Variants in DGKH observed in about 807,000 individuals in gnomAD.
The protein encoded by DGKH is diacylglycerol kinase eta, also known as DAG kinase eta.
DGKH carries 90 observed loss-of-function variants against 159.3 expected under a neutral mutation model. The observed-to-expected ratio is 0.57, with a 90% CI of 0.48 to 0.67. The LOEUF is 0.67. DGKH is among the 30% of genes least tolerant of loss of function. The pLI is 0.00. For synonymous variants in DGKH, 536 were observed against 553.8 expected, an observed-to-expected ratio of 0.97 and a Z score of 0.45; for missense variants, 1,181 against 1,506.1, an observed-to-expected ratio of 0.78 and a Z score of 3.57.
intron 1 of DGKH, among the ~76,000 whole-genome samples, chr13:42,096,452 G>A (rs1954537736): frequency 6.6e-6 from 1 of 152,046 alleles, no homozygotes; most frequent in African/African-American, 2.4e-5. Flanking sequence ...AGTATTCCGT[G>A]GTGTATATGT....
intron 1 of DGKH, among the ~76,000 whole-genome samples, chr13:42,110,156 C>T (rs1594040347): frequency 6.6e-6 from 1 of 152,250 alleles, no homozygotes; most frequent in Non-Finnish European, 1.5e-5. Flanking sequence ...TGCTGAGTAG[C>T]TCTTTCTGAG....
intron 5 of DGKH, among the ~76,000 whole-genome samples, chr13:42,158,526 C>CT (rs1225134507): frequency 6.6e-6 from 1 of 152,072 alleles, no homozygotes; most frequent in African/African-American, 2.4e-5. Context: ...ATATGTGCTG[C>CT]TTTTTTTCCC....
chr13:42,162,254 T>C (rs1265836356), intron 7 of DGKH, among the ~76,000 whole-genome samples: 1 of 152,236 alleles, frequency 6.6e-6, no homozygotes, highest in Non-Finnish European at 1.5e-5. Context: ...CTCATGCCTG[T>C]AATCCCAGCA....
chr13:42,204,231 A>G (rs1472947011), intron 20 of DGKH, among the ~76,000 whole-genome samples: 2 of 152,176 alleles, frequency 1.3e-5, no homozygotes, highest in East Asian at 3.8e-4. Context: ...AGCTTTTTCT[A>G]AAGCACATAA....
intron 1 of DGKH, among the ~76,000 whole-genome samples, chr13:42,105,756 A>C (rs1954738932): frequency 6.6e-6 from 1 of 152,222 alleles, no homozygotes; most frequent in Non-Finnish European, 1.5e-5. Flanking sequence ...TAGGTAAATG[A>C]AATTAGGTGT....
Position 42,189,094 on chromosome 13 carries a change from A to G in DGKH, c.1697A>G (p.Gln566Arg). The change falls in exon 15 of 30, where the codon CAG becomes CGG. Residue 566 changes from glutamine (Q) to arginine (R), a missense_variant. Coordinates refer to ENST00000337343, the MANE Select transcript of DGKH (RefSeq NM_178009.5). ...CTGCAGGCTTTGCACACAGATTCCC[A>G]GGCTGCGCCTGTTCTCCCTGGCCTC... is the stretch of plus-strand genomic sequence containing the variant. ...QLLQALHTDSQAAPVLPGLSP... is the reference protein window; with the variant it reads ...QLLQALHTDSRAAPVLPGLSP... 6.2e-7 allele frequency: 1 copy of G among 1,614,206 alleles called. No individual in the cohort carries two copies. The highest frequency in any genetic ancestry group is 2.2e-5 in the East Asian group (1 of 44,890).
intron 20 of DGKH, among the ~76,000 whole-genome samples, chr13:42,200,516 C>T (rs895239578): frequency 2.0e-5 from 3 of 152,060 alleles, no homozygotes; most frequent in Non-Finnish European, 4.4e-5. Flanking sequence ...TTTATTTTAC[C>T]TTTGATCCAG....
At position 42,239,025 on chromosome 13, in the gene DGKH, C is replaced by T. The variant is rs113089641; in HGVS notation, c.*9837C>T. ...TCATCACCGTGGAATTTTGATCTGT[C>T]TTAATGACACAACTTAATTTTCATG... On this transcript the variant is annotated 3_prime_UTR_variant, in exon 30 of 30. Transcript: ENST00000337343. The T allele has an allele frequency of 1.3e-5, 2 of 152,198 alleles. No homozygotes were observed. Among genetic ancestry groups the T allele is most frequent in the African/African-American group, 2.4e-5 (1 of 41,546 alleles). 9.4% of individuals were successfully genotyped at this position (152,198 alleles called of 1,614,324 possible).
At position 42,072,781 on chromosome 13, in the gene DGKH, G is replaced by T. The variant is rs540734843; in HGVS notation, c.192+23816G>T. Among the ~76,000 whole-genome samples the T allele has an allele frequency of 9.2e-5, 14 of 152,268 alleles. No individual in the cohort carries two copies. The East Asian group carries it at 2.7e-3, about 29-fold the overall frequency. On this transcript the variant is annotated intron_variant, in intron 1 of 29. Transcript: ENST00000337343. Reference sequence around the variant, plus strand: ...AAAAAGGGATTTTCAACTAATAAAAGTCCCTCCCTCACCTCAGAGGTCACC... The same window carrying T: ...AAAAAGGGATTTTCAACTAATAAAATTCCCTCCCTCACCTCAGAGGTCACC...
At chr13:42,196,445 A>G (rs1957205752) in intron 17 of DGKH, among the ~76,000 whole-genome samples, 1 of 152,266 alleles carries the variant, frequency 6.6e-6, no homozygotes, top group Non-Finnish European at 1.5e-5. Context: ...TATTCATACA[A>G]TGGAATATTA....
At chr13:42,132,941 G>A (rs1955318836) in intron 3 of DGKH, among the ~76,000 whole-genome samples, 1 of 151,972 alleles carries the variant, frequency 6.6e-6, no homozygotes, top group Admixed American at 6.6e-5. Flanking sequence ...GGCTGAGGTG[G>A]GCAGATCATG....
chr13:42,159,263 T>TTTTTTTTTTTTTTTTTTTTTTA lies in DGKH; in HGVS notation c.623-3_623-2insTTTTTTTTTTTTTTTTTTTTTA. 2.4e-6 allele frequency: 3 copies of TTTTTTTTTTTTTTTTTTTTTTA among 1,249,720 alleles called. No homozygotes were observed. Among genetic ancestry groups the TTTTTTTTTTTTTTTTTTTTTTA allele is most frequent in the South Asian group, 2.7e-5 (2 of 72,782 alleles). The allele number at this position is 1,249,720 out of a possible 1,614,324, so 77.4% of individuals were successfully genotyped here. On this transcript the variant is annotated splice_polypyrimidine_tract_variant and splice_region_variant and intron_variant, in intron 5 of 29. Transcript: ENST00000337343. ...GTTGCTCTTTTTTTTTTTTTTTTTT[T>TTTTTTTTTTTTTTTTTTTTTTA]AGTGTGTAAATTCAAGGCTCACAAA...
intron 1 of DGKH, among the ~76,000 whole-genome samples, chr13:42,127,105 G>T (rs559570396): frequency 7.9e-5 from 12 of 152,154 alleles, no homozygotes; most frequent in Non-Finnish European, 1.6e-4. Flanking sequence ...GTGAACCCAA[G>T]GTTTCTGGCT....
rs1278257274 is a variant in DGKH, at chr13:42,186,279, T to C, written c.1539-770T>C. Among the ~76,000 whole-genome samples, 4 of 152,324 alleles carry C rather than the reference T, an allele frequency of 2.6e-5. No homozygotes were observed. The East Asian group carries it at 7.7e-4, about 29-fold the overall frequency. On this transcript the variant is annotated intron_variant, in intron 13 of 29. Transcript: ENST00000337343. ...TAAGCCTTGGCTTTAAAAAAGCTGG[T>C]CATATACCATTCTGTTGATTGTTGT...
intron 12 of DGKH, among the ~76,000 whole-genome samples, chr13:42,177,524 C>T (rs1461007465): frequency 6.6e-6 from 1 of 152,026 alleles, no homozygotes; most frequent in African/African-American, 2.4e-5. Flanking sequence ...AGTTGAATTT[C>T]TGAGTCCTGT....
chr13:42,068,950 A>T, intron 1 of DGKH: 2 of 1,445,170 alleles, frequency 1.4e-6, no homozygotes, highest in Non-Finnish European at 1.9e-6. Flanking sequence ...GATGTTCAGA[A>T]TGCCGCTGTA....
rs1275128356 is a variant in DGKH at position 42,209,000 on chromosome 13, TGTA to T, written c.2645_2647del (p.Val882del). On this transcript the variant is annotated inframe_deletion, in exon 22 of 30. Coordinates refer to ENST00000337343, the MANE Select transcript of DGKH (RefSeq NM_178009.5). ...CCTTTGATGACAAGATCCTGGAAGT[TGTA>T]GCAATATTTGATAGCATGCAAATGG... The T allele has an allele frequency of 6.2e-7, 1 of 1,612,988 alleles. No homozygotes were observed. The highest frequency in any genetic ancestry group is 8.5e-7 in the Non-Finnish European group (1 of 1,179,452).
chr13:42,166,680 T>A lies in DGKH; in HGVS notation c.1118+6T>A. 6.4e-7 allele frequency: 1 copy of A among 1,573,092 alleles called. No individual in the cohort carries two copies. Among genetic ancestry groups the A allele is most frequent in the Non-Finnish European group, 8.6e-7 (1 of 1,162,490 alleles). On this transcript the variant is annotated splice_donor_region_variant and intron_variant, in intron 9 of 29. Transcript: ENST00000337343. ...AATGGAGGTCCTCATTTAGGGTAAC[T>A]GATTATTGATAAATCTTATTTGAAT...
At chr13:42,109,642 GCGTGCGTGCC>G (rs1181117836) in intron 1 of DGKH, among the ~76,000 whole-genome samples, 6 of 46,282 alleles carry the variant, frequency 1.3e-4, no homozygotes, top group African/African-American at 5.4e-4. Flanking sequence ...GTGCAGCTGT[GCGTGCGTGCC>G]TGTGCGTGCG....
Sources: allele counts gnomAD v4.1 joint callset (sites outside exome capture counted in the v4.1 genomes callset), GRCh38; gene constraint gnomAD v4.1.1; transcripts MANE v1.5; gene names NCBI Gene and HGNC (gene_info 2026-07-23, HGNC 2026-07-21).